The following ELAPOR1 variants were observed in gnomAD, a reference collection of about 807,000 sequenced individuals.
The protein encoded by ELAPOR1 is endosome/lysosome-associated apoptosis and autophagy regulator 1.
ELAPOR1 carries 77 observed loss-of-function variants against 119.7 expected under a neutral mutation model. The observed-to-expected ratio is 0.64, with a 90% CI of 0.54 to 0.78. ELAPOR1 has a LOEUF of 0.78. Among genes scored for constraint, ELAPOR1 ranks in the 30% least tolerant of loss-of-function variants. The probability of loss-of-function intolerance (pLI) is 0.00; values close to 1 mark genes in which losing one functional copy is unlikely to be tolerated. For synonymous variants in ELAPOR1, 481 were observed against 487.2 expected (o/e 0.99, Z 0.17); for missense variants, 1,115 against 1,270.4 (o/e 0.88, Z 1.86).
chr1:109,119,056 C>A (rs1430621291), intron 1 of ELAPOR1, among the ~76,000 whole-genome samples: 3 of 151,950 alleles, frequency 2.0e-5, no homozygotes, highest in Non-Finnish European at 2.9e-5. Context: ...CGCCACCATG[C>A]CCAGCTAATT....
chr1:109,149,801 C>G (rs1650417178), intron 1 of ELAPOR1, among the ~76,000 whole-genome samples: 1 of 152,162 alleles, frequency 6.6e-6, no homozygotes, highest in South Asian at 2.1e-4. Context: ...GAAAAAAATT[C>G]AAAGTCATCC....
In ELAPOR1 at chr1:109,171,936, G is replaced by A. The variant is rs756493200; in HGVS notation, c.538G>A (p.Ala180Thr). The A allele has an allele frequency of 2.5e-6, 4 of 1,614,146 alleles. No individual in the cohort carries two copies. The highest frequency in any genetic ancestry group is 3.3e-5 in the Admixed American group (2 of 60,024). The change falls in exon 4 of 22, where the codon GCC (alanine) becomes ACC (threonine). Residue 180 changes from alanine to threonine, a missense_variant. Coordinates refer to ENST00000369939, the MANE Select transcript of ELAPOR1 (RefSeq NM_020775.5). ...CGAATGCACAGCCACACTGATGTAC[G>A]CCGTCAACCTGAAGCAATCTGGCAC... ...TDECTATLMY[A>T]VNLKQSGTVN...
At position 109,118,856 on chromosome 1, in the gene ELAPOR1, GCA is replaced by G. The variant is rs1296869315; in HGVS notation, c.153+4523_153+4524del. Among the ~76,000 whole-genome samples the G allele has an allele frequency of 2.6e-5, 4 of 151,756 alleles. No homozygotes were observed. The East Asian group carries it at 5.8e-4, about 22-fold the overall frequency. ...TTTGGCACGCTACTTCACTTTGTGA[GCA>G]CAGTGTCTAGGCTTTTCTGTTTCCT... On this transcript the variant is annotated intron_variant, in intron 1 of 21. Coordinates refer to ENST00000369939, the MANE Select transcript of ELAPOR1 (RefSeq NM_020775.5).
intron 1 of ELAPOR1, among the ~76,000 whole-genome samples, chr1:109,138,973 G>A (rs1558025761): frequency 6.6e-6 from 1 of 151,930 alleles, no homozygotes; most frequent in Non-Finnish European, 1.5e-5. Flanking sequence ...ACAGAATGAA[G>A]CGTAAGTATC....
chr1:109,198,972 G>A (rs571306150), intron 18 of ELAPOR1, among the ~76,000 whole-genome samples: 1 of 152,268 alleles, frequency 6.6e-6, no homozygotes, highest in African/African-American at 2.4e-5. Flanking sequence ...AACCAGCTAT[G>A]TTATCATGGA....
intron 15 of ELAPOR1, among the ~76,000 whole-genome samples, chr1:109,196,688 CT>C (rs57071302): frequency 7.5e-4 from 108 of 144,754 alleles, no homozygotes; most frequent in South Asian, 1.3e-3. Flanking sequence ...AGATTTAGCA[CT>C]TTTTTTTTTT....
Position 109,201,361 on chromosome 1 carries a change from C to G in ELAPOR1, c.2973+461C>G, listed in dbSNP as rs1486970968. 1.8e-5 allele frequency: 8 copies of G among 456,148 alleles called. No homozygotes were observed. The East Asian group carries it at 4.9e-4, about 28-fold the overall frequency. The allele number at this position is 456,148 out of a possible 1,614,324, so 28.3% of individuals were successfully genotyped here. A position where few individuals can be genotyped will look rare whatever the true frequency, so the allele number is the denominator to read the frequency against. On this transcript the variant is annotated intron_variant, in intron 21 of 21. Coordinates refer to ENST00000369939, the MANE Select transcript of ELAPOR1 (RefSeq NM_020775.5). ...TTTGGGAGCTGAATCATAGTTCAGT[C>G]TCAGCTGTTCCCCACTGAGCAATTC... is the stretch of plus-strand genomic sequence containing the variant.
At chr1:109,140,327 C>T (rs955321240) in intron 1 of ELAPOR1, among the ~76,000 whole-genome samples, 1 of 152,142 alleles carries the variant, frequency 6.6e-6, no homozygotes, top group Non-Finnish European at 1.5e-5. Flanking sequence ...TGGGCAGCAT[C>T]ACAAACCATT....
At chr1:109,194,177 C>A (rs1267019649) in intron 14 of ELAPOR1, among the ~76,000 whole-genome samples, 1 of 152,236 alleles carries the variant, frequency 6.6e-6, no homozygotes, top group African/African-American at 2.4e-5. Context: ...TTTGTCCAAA[C>A]TCCCTTCTGA....
Position 109,162,010 on chromosome 1 carries a change from G to T in ELAPOR1, c.270G>T (p.Glu90Asp). 1 of 1,611,618 alleles carries T rather than the reference G, an allele frequency of 6.2e-7. No individual in the cohort carries two copies. The highest frequency in any genetic ancestry group is 8.5e-7 in the Non-Finnish European group (1 of 1,178,144). ...TSLPDPIKGT[E>D]CSFSCNAGEF... ...TGCCTGACCCCATCAAGGGCACCGAGTGCTGTAAGCAGCTATCCTGCTCAG... is the reference window on the plus strand; with the variant it reads ...TGCCTGACCCCATCAAGGGCACCGATTGCTGTAAGCAGCTATCCTGCTCAG... The change falls in exon 2 of 22, where the codon GAG (glutamate) becomes GAT (aspartate). Residue 90 changes from glutamate to aspartate, a missense_variant. By Grantham distance (45) the Glu-to-Asp change is conservative. Transcript: ENST00000369939.
chr1:109,172,204 G>C (rs1651967810), intron 4 of ELAPOR1, among the ~76,000 whole-genome samples, 191 bp downstream of exon 4: 2 of 152,166 alleles, frequency 1.3e-5, no homozygotes, highest in African/African-American at 4.8e-5. Flanking sequence ...AAGGACTATT[G>C]GGGGAAGAAT....
chr1:109,200,643 A>T, intron 20 of ELAPOR1, 92 bp from the exon 21 acceptor site: 1 of 1,232,774 alleles, frequency 8.1e-7, no homozygotes, highest in South Asian at 1.4e-5. Flanking sequence ...ATGGCATGGG[A>T]ATAGGACCTG....
intron 1 of ELAPOR1, among the ~76,000 whole-genome samples, chr1:109,123,047 C>T (rs909288614): frequency 6.6e-6 from 1 of 152,200 alleles, no homozygotes; most frequent in Non-Finnish European, 1.5e-5. Flanking sequence ...TGTAGTTTGA[C>T]TGGGCTAGGG....
chr1:109,123,064 G>A (rs1648548093), intron 1 of ELAPOR1, among the ~76,000 whole-genome samples: 1 of 152,218 alleles, frequency 6.6e-6, no homozygotes, highest in African/African-American at 2.4e-5. Flanking sequence ...AGGGCAGCGT[G>A]GCTGATCTAT....
At chr1:109,185,208 G>T in intron 8 of ELAPOR1, 75 bp downstream of exon 8, 1 of 1,152,462 alleles carries the variant, frequency 8.7e-7, no homozygotes, top group East Asian at 2.3e-5. Flanking sequence ...CCACCATTTG[G>T]AACTTCAGCA....
intron 1 of ELAPOR1, among the ~76,000 whole-genome samples, chr1:109,159,535 C>G (rs17838319): frequency 0.13 from 20,068 of 152,188 alleles, 2,503 homozygotes; most frequent in African/African-American, 0.33. Flanking sequence ...GCTGCTGGCA[C>G]ACAACCAACA....
intron 1 of ELAPOR1, among the ~76,000 whole-genome samples, chr1:109,158,216 T>C (rs900506306): frequency 6.6e-6 from 1 of 152,092 alleles, no homozygotes; most frequent in African/African-American, 2.4e-5. Flanking sequence ...TAATCATTTT[T>C]AAAAGTAACA....
chr1:109,148,976 C>A (rs1650356184), intron 1 of ELAPOR1, among the ~76,000 whole-genome samples: 1 of 152,140 alleles, frequency 6.6e-6, no homozygotes, highest in Admixed American at 6.5e-5. Context: ...TACTGAAAAA[C>A]CCTCTGCACC....
chr1:109,123,950 GGGCC>G, intron 1 of ELAPOR1, among the ~76,000 whole-genome samples: 1 of 152,178 alleles, frequency 6.6e-6, no homozygotes, highest in East Asian at 1.9e-4. Context: ...CTACAGGCGT[GGGCC>G]ACCACGCCCA....
Sources: allele counts gnomAD v4.1 joint callset (sites outside exome capture counted in the v4.1 genomes callset), GRCh38; gene constraint gnomAD v4.1.1; transcripts MANE v1.5; gene names NCBI Gene and HGNC (gene_info 2026-07-23, HGNC 2026-07-21).